Variants in FRY observed in about 807,000 individuals in gnomAD.
FRY encodes the protein protein furry homolog.
A neutral mutation model predicts 348.4 loss-of-function variants in FRY; 128 were observed. The observed-to-expected ratio is 0.37, with a 90% confidence interval of 0.32 to 0.43. FRY has a LOEUF of 0.43. FRY is among the 20% of genes least tolerant of loss of function. The pLI is 1.00. For synonymous variants in FRY, 1,370 were observed against 1,374.7 expected (o/e 1.00, Z 0.08); for missense variants, 2,736 against 3,695.2 (o/e 0.74, Z 6.73).
chr13:32,231,348 A>G (rs1261748462), intron 41 of FRY, 48 bp downstream of exon 41: 5 of 1,585,240 alleles, frequency 3.2e-6, no homozygotes, highest in Non-Finnish European at 8.7e-7. Context: ...TTGTTCTGTA[A>G]TGGACACTGT....
chr13:32,150,675 G>A (rs934317872), intron 14 of FRY, among the ~76,000 whole-genome samples: 1 of 152,306 alleles, frequency 6.6e-6, no homozygotes, highest in African/African-American at 2.4e-5. Flanking sequence ...AAGAGAGAGA[G>A]AGGAGACTGC....
chr13:32,132,761 T>C (rs1206946840), intron 8 of FRY, among the ~76,000 whole-genome samples: 1 of 152,212 alleles, frequency 6.6e-6, no homozygotes, highest in Non-Finnish European at 1.5e-5. Flanking sequence ...GCATTATTCA[T>C]AGTTGCCAAA....
In FRY at chr13:32,179,000, C is replaced by G; in HGVS notation, c.2838C>G (p.Thr946=). Residue 946 remains threonine, a synonymous_variant, in exon 22 of 61, where the codon ACC becomes ACG. Coordinates refer to ENST00000542859, the MANE Select transcript of FRY (RefSeq NM_023037.3). ...CTTCCACTCCAGAAATAATGGCGAC[C>G]ACACCTGATGGTACAGTGAGCTACG... ...LRASTPEIMA[T]TPDGTVSYDN... The G allele has an allele frequency of 1.2e-6, 2 of 1,613,772 alleles. No individual in the cohort carries two copies. The highest frequency in any genetic ancestry group is 1.7e-6 in the Non-Finnish European group (2 of 1,179,768).
intron 46 of FRY, among the ~76,000 whole-genome samples, chr13:32,243,234 C>A (rs1886607208): frequency 6.6e-6 from 1 of 152,148 alleles, no homozygotes; most frequent in African/African-American, 2.4e-5. Context: ...TCCTCCACTG[C>A]CTTTAAAAAT....
At chr13:32,199,250 G>A (rs1014634644) in intron 29 of FRY, among the ~76,000 whole-genome samples, 1 of 152,198 alleles carries the variant, frequency 6.6e-6, no homozygotes, top group Non-Finnish European at 1.5e-5. Flanking sequence ...TTCAGATCAA[G>A]GATTCAGCTG....
chr13:32,174,695 G>A (rs1409661846), intron 19 of FRY, among the ~76,000 whole-genome samples: 2 of 152,094 alleles, frequency 1.3e-5, no homozygotes, highest in Admixed American at 6.6e-5. Context: ...CATCAAAGAT[G>A]TTCCTCATAT....
chr13:32,039,271 A>G (rs1229910025), intron 1 of FRY, among the ~76,000 whole-genome samples: 12 of 152,324 alleles, frequency 7.9e-5, no homozygotes, highest in African/African-American at 2.9e-4. Flanking sequence ...AGATTTCAGA[A>G]TATGGGGCAG....
chr13:32,239,784 A>G lies in FRY; in HGVS notation c.6590A>G (p.Tyr2197Cys), dbSNP rs1311531668. The change falls in exon 46 of 61, where the codon TAC becomes TGC. Residue 2197 changes from tyrosine to cysteine, a missense_variant. Coordinates refer to ENST00000542859, the MANE Select transcript of FRY (RefSeq NM_023037.3). The surrounding 1 kb of genome is among the most constrained non-coding windows in gnomAD (Gnocchi z 4.3). ...ATGACTCTTTATAAAACGCACAGCT[A>G]CACGAGGGACTGTGCCACGTGGGTC... is the stretch of plus-strand genomic sequence containing the variant. The part of the protein sequence containing the change: ...HVMTLYKTHS[Y>C]TRDCATWVNV... 1 of 1,612,916 alleles carries G rather than the reference A, an allele frequency of 6.2e-7. No homozygotes were observed. The highest frequency in any genetic ancestry group is 8.5e-7 in the Non-Finnish European group (1 of 1,178,866).
rs1399533409 is a variant in FRY at position 32,038,214 on chromosome 13, C to T, written c.70+6349C>T. Among the ~76,000 whole-genome samples, 5 of 152,140 alleles carry T rather than the reference C, an allele frequency of 3.3e-5. No homozygotes were observed. In the East Asian group the frequency reaches 9.6e-4, roughly 29 times the overall value. ...AGGTATATTTTGAGAAGTTTCAGATCAGATTTAAATGAACAAATAATAATC... is the reference window on the plus strand; with the variant it reads ...AGGTATATTTTGAGAAGTTTCAGATTAGATTTAAATGAACAAATAATAATC... On this transcript the variant is annotated intron_variant, in intron 1 of 60. Transcript: ENST00000542859.
rs1566060228 is a variant in FRY, at chr13:32,080,902, A to G, written c.270+1869A>G. On this transcript the variant is annotated intron_variant, in intron 2 of 60. Coordinates refer to ENST00000542859, the MANE Select transcript of FRY (RefSeq NM_023037.3). ...TCCTGAGGAGCTGTGAAGTTGTACA[A>G]AAGTTCAAAGAGATGCTTACACAGC... 4.6e-5 allele frequency among the ~76,000 whole-genome samples: 7 copies of G among 152,348 alleles called. No homozygotes were observed. In the South Asian group the frequency reaches 1.5e-3, roughly 32 times the overall value.
chr13:32,035,275 T>C (rs1453836912), intron 1 of FRY, among the ~76,000 whole-genome samples: 3 of 152,166 alleles, frequency 2.0e-5, no homozygotes, highest in African/African-American at 7.2e-5. Flanking sequence ...AATGTCAAAA[T>C]TAGTTGGTTA....
intron 3 of FRY, among the ~76,000 whole-genome samples, chr13:32,107,997 G>C (rs1224522428): frequency 6.6e-6 from 1 of 152,172 alleles, no homozygotes; most frequent in Admixed American, 6.5e-5. Context: ...TGGTAATAAA[G>C]TAATTTAGCA....
chr13:32,194,327 G>A (rs1883545773), intron 29 of FRY, 30 bp downstream of exon 29: 13 of 1,604,122 alleles, frequency 8.1e-6, no homozygotes, highest in Non-Finnish European at 1.1e-5. Context: ...GTGATGAGTG[G>A]CAAGTATGTT....
chr13:32,116,395 A>G (rs1269233176), intron 3 of FRY, among the ~76,000 whole-genome samples: 1 of 152,150 alleles, frequency 6.6e-6, no homozygotes, highest in African/African-American at 2.4e-5. Flanking sequence ...TGTTTCGCAA[A>G]TATTTTCTCC....
intron 1 of FRY, among the ~76,000 whole-genome samples, chr13:32,059,156 T>C (rs1873791782): frequency 6.6e-6 from 1 of 151,888 alleles, no homozygotes; most frequent in African/African-American, 2.4e-5. Context: ...CTATAAAAAG[T>C]AGGAAAGAAG....
intron 1 of FRY, among the ~76,000 whole-genome samples, chr13:32,068,911 C>CT (rs142807722): frequency 2.4e-4 from 20 of 82,850 alleles, no homozygotes; most frequent in East Asian, 1.0e-3. Flanking sequence ...ATGTTCAATT[C>CT]TTTTTTTTTT....
At chr13:32,205,413 A>G (rs1041836465) in intron 31 of FRY, among the ~76,000 whole-genome samples, 5 of 152,214 alleles carry the variant, frequency 3.3e-5, no homozygotes, top group African/African-American at 4.8e-5. Context: ...CATAGCAGAC[A>G]AGTAGTTGAT....
At chr13:32,238,664 A>G (rs1319316114) in intron 44 of FRY, among the ~76,000 whole-genome samples, 2 of 151,932 alleles carry the variant, frequency 1.3e-5, no homozygotes, top group African/African-American at 4.8e-5. Flanking sequence ...GTCGGCCAGG[A>G]TGGTCTCGAT....
intron 3 of FRY, among the ~76,000 whole-genome samples, chr13:32,103,237 A>G (rs1877280502): frequency 6.6e-6 from 1 of 152,170 alleles, no homozygotes; most frequent in South Asian, 2.1e-4. Context: ...GTGCCATGGC[A>G]CTATCTTCTT....
Sources: gnomAD v4.1 joint callset for allele counts (sites outside exome capture counted in the v4.1 genomes callset) on GRCh38, gnomAD v4.1.1 for gene constraint, Gnocchi (gnomAD v3.1) non-coding constraint, MANE v1.5 for transcripts, NCBI Gene and HGNC (gene_info 2026-07-23, HGNC 2026-07-21) for gene names.